The following ACOXL variants were observed in gnomAD, a reference collection of about 807,000 sequenced individuals.
The protein encoded by ACOXL is acyl-CoA oxidase like, also known as acyl-coenzyme A oxidase-like protein.
A neutral mutation model predicts 71.9 loss-of-function variants in ACOXL; 70 were observed. The ratio of observed to expected loss-of-function variants is 0.97; its 90% CI spans 0.80 to 1.19. The LOEUF (loss-of-function observed/expected upper bound fraction) is 1.19, where lower values mean the gene tolerates loss of function less well. ACOXL is among the 50% of genes most tolerant of loss of function. The pLI, the probability that ACOXL is intolerant of heterozygous loss-of-function variation, is 0.00. For missense variants in ACOXL, 703 were observed against 736.3 expected, an observed-to-expected ratio of 0.95 and a Z score of 0.52; for synonymous variants, 253 against 281.6, an observed-to-expected ratio of 0.90 and a Z score of 1.02.
At chr2:110,753,702 G>A (rs905573530) in intron 1 of ACOXL, among the ~76,000 whole-genome samples, 2 of 152,134 alleles carry the variant, frequency 1.3e-5, no homozygotes, top group Non-Finnish European at 2.9e-5. Flanking sequence ...ATTTGTGTGG[G>A]CATGTAATTT....
intron 11 of ACOXL, among the ~76,000 whole-genome samples, chr2:110,928,289 T>C (rs1054381159): frequency 3.3e-5 from 5 of 152,250 alleles, no homozygotes; most frequent in African/African-American, 1.2e-4. Flanking sequence ...TCAAGACAAA[T>C]CAACGGGACA....
chr2:110,928,852 G>A (rs1250532753), intron 11 of ACOXL, among the ~76,000 whole-genome samples: 3 of 152,148 alleles, frequency 2.0e-5, no homozygotes, highest in Non-Finnish European at 4.4e-5. Context: ...TTTATAAGGG[G>A]AAACCCCTTT....
intron 11 of ACOXL, among the ~76,000 whole-genome samples, chr2:110,917,643 A>G (rs1352765669): frequency 6.6e-6 from 1 of 152,256 alleles, no homozygotes; most frequent in Non-Finnish European, 1.5e-5. Context: ...ATGATTGTAT[A>G]TGTAGAAAAC....
chr2:110,841,339 CTTAAT>C, intron 9 of ACOXL, 27 bp from the exon 10 acceptor site: 1 of 1,560,168 alleles, frequency 6.4e-7, no homozygotes, highest in African/African-American at 1.4e-5. Flanking sequence ...CTTGATATTA[CTTAAT>C]TTGTTTTTCT....
rs563668148 is a variant in ACOXL at position 110,888,238 on chromosome 2, G to C, written c.789-20551G>C. 2.6e-5 allele frequency among the ~76,000 whole-genome samples: 4 copies of C among 152,338 alleles called. No individual in the cohort carries two copies. The South Asian group carries it at 6.2e-4, about 24-fold the overall frequency. ...AAATTACCCCAGTATGGAACTGGAA[G>C]GGACGGGAAGTGTTTAGGATCAAGT... On this transcript the variant is annotated intron_variant, in intron 10 of 17. Transcript: ENST00000439055.
chr2:110,953,710 A>T (rs1052245097), intron 12 of ACOXL, among the ~76,000 whole-genome samples: 2 of 152,206 alleles, frequency 1.3e-5, no homozygotes, highest in African/African-American at 4.8e-5. Context: ...AGGCTTAATT[A>T]ACTCACAGTT....
Position 111,062,613 on chromosome 2 carries a change from G to A in ACOXL, c.1440+13325G>A, listed in dbSNP as rs76563772. ...AAAACCTCAAAAGAAATAAAAATAC[G>A]TTGAACAGAATGAAAATGAAAATAC... On this transcript the variant is annotated intron_variant, in intron 16 of 17. Transcript: ENST00000439055. Among the ~76,000 whole-genome samples, 564 of 152,050 alleles carry A rather than the reference G, an allele frequency of 3.7e-3. 9 individuals carry two copies. In the East Asian group the frequency reaches 0.046, roughly 12 times the overall value.
chr2:110,771,402 A>AC (rs1339779806), intron 2 of ACOXL, among the ~76,000 whole-genome samples: 1 of 151,518 alleles, frequency 6.6e-6, no homozygotes, highest in Non-Finnish European at 1.5e-5. Flanking sequence ...GTTTCCCTGG[A>AC]CCCCCCTTTC....
At position 111,049,396 on chromosome 2, in the gene ACOXL, G is replaced by A. The variant is rs577867885; in HGVS notation, c.1440+108G>A. ...GGAGTAAATTTATCATGTCTGAATCGTGTGCTCCAGGGGGATAAGCTTGTC... is the reference window on the plus strand; with the variant it reads ...GGAGTAAATTTATCATGTCTGAATCATGTGCTCCAGGGGGATAAGCTTGTC... On this transcript the variant is annotated intron_variant, in intron 16 of 17. Transcript: ENST00000439055. The A allele has an allele frequency of 1.6e-4, 141 of 856,746 alleles. 1 individual carries two copies. In the East Asian group the frequency reaches 3.1e-3, roughly 19 times the overall value. The allele number at this position is 856,746 out of a possible 1,614,324, so 53.1% of individuals were successfully genotyped here.
intron 1 of ACOXL, among the ~76,000 whole-genome samples, chr2:110,761,746 A>T (rs1219007633): frequency 6.6e-6 from 1 of 152,178 alleles, no homozygotes; most frequent in Non-Finnish European, 1.5e-5. Context: ...GGCCTGGCCA[A>T]ATCAGCTAAC....
intron 13 of ACOXL, 59 bp from the exon 14 acceptor site, chr2:110,995,834 C>A: frequency 7.4e-7 from 1 of 1,354,520 alleles, no homozygotes; most frequent in Non-Finnish European, 1.1e-6. Flanking sequence ...CTATTTCTTT[C>A]AAATGAAATT....
chr2:110,788,074 T>C (rs1185197790), intron 3 of ACOXL, among the ~76,000 whole-genome samples: 3 of 152,210 alleles, frequency 2.0e-5, no homozygotes, highest in Admixed American at 6.5e-5. Context: ...CAAAACGATA[T>C]GGTTGTTTCT....
At chr2:111,056,382 C>T (rs1179525514) in intron 16 of ACOXL, among the ~76,000 whole-genome samples, 1 of 152,158 alleles carries the variant, frequency 6.6e-6, no homozygotes, top group Non-Finnish European at 1.5e-5. Context: ...TTCTGCAAAG[C>T]TCAGCTCAAA....
rs529927861 is a variant in ACOXL at position 111,098,477 on chromosome 2, A to G, written c.1542+5511A>G. On this transcript the variant is annotated intron_variant, in intron 17 of 17. Coordinates refer to ENST00000439055, the MANE Select transcript of ACOXL (RefSeq NM_001142807.4). ...TAGTACCCATTAAAACTGACGATGC[A>G]TGGAAGACGAGAAAAGACTGAAGCC... 2.6e-5 allele frequency: 4 copies of G among 152,380 alleles called. No homozygotes were observed. In the East Asian group the frequency reaches 5.8e-4, roughly 22 times the overall value. 9.4% of individuals were successfully genotyped at this position (152,380 alleles called of 1,614,324 possible).
chr2:110,761,357 T>G (rs1019767382), intron 1 of ACOXL, among the ~76,000 whole-genome samples: 4 of 152,226 alleles, frequency 2.6e-5, no homozygotes, highest in East Asian at 1.9e-4. Flanking sequence ...GAATGTTGAT[T>G]AATATCAACT....
At chr2:110,793,193 TG>T (rs1684863544) in intron 3 of ACOXL, among the ~76,000 whole-genome samples, 1 of 152,224 alleles carries the variant, frequency 6.6e-6, no homozygotes, top group Admixed American at 6.5e-5. Flanking sequence ...CCAAGCTGCA[TG>T]CTTGCTCCTT....
At chr2:110,854,206 G>T (rs963097602) in intron 10 of ACOXL, among the ~76,000 whole-genome samples, 5 of 152,198 alleles carry the variant, frequency 3.3e-5, no homozygotes, top group African/African-American at 1.2e-4. Flanking sequence ...AGCAACTTCT[G>T]AGGGGAAGAA....
chr2:110,803,502 C>T (rs1686246466), intron 8 of ACOXL, among the ~76,000 whole-genome samples: 1 of 152,022 alleles, frequency 6.6e-6, no homozygotes. Context: ...TTACTGCCTA[C>T]CATATACAAA....
chr2:111,052,561 G>T (rs925268142), intron 16 of ACOXL, among the ~76,000 whole-genome samples: 10 of 152,146 alleles, frequency 6.6e-5, no homozygotes, highest in African/African-American at 2.4e-4. Context: ...TAAGATAGCT[G>T]TTATCAGGAG....
Sources: allele counts gnomAD v4.1 joint callset (sites outside exome capture counted in the v4.1 genomes callset), GRCh38; gene constraint gnomAD v4.1.1; transcripts MANE v1.5; gene names NCBI Gene and HGNC (gene_info 2026-07-23, HGNC 2026-07-21).